TPRG1: variants seen among roughly 807,000 people sequenced by gnomAD.
TPRG1 encodes the protein tumor protein p63 regulated 1, also known as tumor protein p63-regulated gene 1 protein.
A neutral mutation model predicts 29.3 loss-of-function variants in TPRG1; 29 were observed. That is an observed-to-expected ratio of 0.99 (90% CI 0.74 to 1.35). TPRG1 has a LOEUF of 1.35. TPRG1 is among the 40% of genes most tolerant of loss of function. The probability of loss-of-function intolerance (pLI) is 0.00; values close to 1 mark genes in which losing one functional copy is unlikely to be tolerated. For missense variants in TPRG1, 327 were observed against 335.0 expected, an observed-to-expected ratio of 0.98 and a Z score of 0.19; for synonymous variants, 130 against 116.8, an observed-to-expected ratio of 1.11 and a Z score of -0.73.
upstream of TPRG1, among the ~76,000 whole-genome samples, chr3:189,170,708 C>T (rs967679944): frequency 1.6e-4 from 25 of 152,118 alleles, no homozygotes; most frequent in African/African-American, 6.0e-4. Flanking sequence ...GTCCTCGACA[C>T]GGTGGAAGCA....
chr3:189,175,104 A>G (rs1418677240), intron 1 of TPRG1, among the ~76,000 whole-genome samples: 1 of 152,228 alleles, frequency 6.6e-6, no homozygotes, highest in Non-Finnish European at 1.5e-5. Flanking sequence ...CTTACCATCT[A>G]GTATTGAAAA....
rs745431249 is a variant in TPRG1, at chr3:189,033,276, C to CT, written c.-463+9345dup. ...GAACAGCTACGCAGAGTCATTATTCCTTTTTTTTTTTTTTTAATTTCTTGA... is the reference window on the plus strand; with the variant it reads ...GAACAGCTACGCAGAGTCATTATTCCTTTTTTTTTTTTTTTTAATTTCTTGA... On this transcript the variant is annotated intron_variant, in intron 4 of 10. Transcript: ENST00000433971. Among the ~76,000 whole-genome samples, 471 of 140,814 alleles carry CT rather than the reference C, an allele frequency of 3.3e-3. 3 individuals are homozygous for CT. In the South Asian group the frequency reaches 0.038, roughly 11 times the overall value. 92.4% of individuals were successfully genotyped at this position (140,814 alleles called of 152,430 possible).
rs570774694 is a variant in TPRG1 at position 189,291,901 on chromosome 3, C to G, written c.480-18485C>G. Among the ~76,000 whole-genome samples, 3 of 152,292 alleles carry G rather than the reference C, an allele frequency of 2.0e-5. No homozygotes were observed. The East Asian group carries it at 5.8e-4, about 29-fold the overall frequency. ...AGTTGGTGATGGTTACAGTGGGCTC[C>G]TCTGGCTGCTACTGCAGAGACATCC... On this transcript the variant is annotated intron_variant, in intron 4 of 5. Coordinates refer to ENST00000345063, the MANE Select transcript of TPRG1 (RefSeq NM_198485.4).
intron 4 of TPRG1, among the ~76,000 whole-genome samples, chr3:189,295,359 A>G (rs1417874982): frequency 6.6e-6 from 1 of 152,148 alleles, no homozygotes; most frequent in Non-Finnish European, 1.5e-5. Flanking sequence ...ACATTTGTGG[A>G]ATGAATAATA....
rs968433637 is a variant in TPRG1 at position 189,323,312 on chromosome 3, A to G, written c.*2492A>G. The G allele has an allele frequency of 3.9e-5, 6 of 152,082 alleles. No individual in the cohort carries two copies. Among genetic ancestry groups the G allele is most frequent in the African/African-American group, 1.4e-4 (6 of 41,418 alleles). 9.4% of individuals were successfully genotyped at this position (152,082 alleles called of 1,614,324 possible). A position where few individuals can be genotyped will look rare whatever the true frequency, so the allele number is the denominator to read the frequency against. Reference sequence around the variant, plus strand: ...TAGACCCATTTTTTTCTTAGGAAAGAGTTGGATCAATCATGGGAGACCCTG... The same window carrying G: ...TAGACCCATTTTTTTCTTAGGAAAGGGTTGGATCAATCATGGGAGACCCTG... On this transcript the variant is annotated 3_prime_UTR_variant, in exon 6 of 6. Coordinates refer to ENST00000345063, the MANE Select transcript of TPRG1 (RefSeq NM_198485.4).
intron 4 of TPRG1, among the ~76,000 whole-genome samples, chr3:189,308,497 G>A (rs572752851): frequency 1.3e-5 from 2 of 152,216 alleles, no homozygotes; most frequent in African/African-American, 4.8e-5. Flanking sequence ...CCCTTGGAGT[G>A]ATAACTTAGC....
At chr3:189,238,574 A>C (rs777630453) in intron 3 of TPRG1, 159 bp from the exon 4 acceptor site, 1 of 502,670 alleles carries the variant, frequency 2.0e-6, no homozygotes, top group African/African-American at 2.0e-5. Context: ...ATGGGACCAG[A>C]CTGAGTGGGG....
chr3:189,035,366 A>G (rs1243452396), intron 4 of TPRG1, among the ~76,000 whole-genome samples: 1 of 152,150 alleles, frequency 6.6e-6, no homozygotes, highest in Non-Finnish European at 1.5e-5. Context: ...CATTCTGTAC[A>G]TCACCTTGGA....
Position 189,190,586 on chromosome 3 carries a change from G to A in TPRG1, c.-9-16790G>A, listed in dbSNP as rs77843904. ...ATTATTTTATTTTATTGCCTCCTAC[G>A]TCTATGATAAGAATGCTAATAGCTC... On this transcript the variant is annotated intron_variant, in intron 1 of 5. Transcript: ENST00000345063. Among the ~76,000 whole-genome samples, 905 of 152,238 alleles carry A rather than the reference G, an allele frequency of 5.9e-3. 7 individuals carry two copies. The highest frequency in any genetic ancestry group is 0.024 in the Middle Eastern group (7 of 294).
At chr3:189,138,336 T>G (rs1236833266) in intron 3 of TPRG1, among the ~76,000 whole-genome samples, 1 of 152,186 alleles carries the variant, frequency 6.6e-6, no homozygotes, top group African/African-American at 2.4e-5. Flanking sequence ...TTTTGTGTAA[T>G]GAGATAAAGT....
chr3:189,283,077 A>G (rs1717429087), intron 4 of TPRG1, among the ~76,000 whole-genome samples: 1 of 152,210 alleles, frequency 6.6e-6, no homozygotes, highest in South Asian at 2.1e-4. Context: ...GAAACTTTAA[A>G]TCAACCCACT....
chr3:189,146,286 T>C (rs1025181115), intron 3 of TPRG1, among the ~76,000 whole-genome samples: 9 of 152,212 alleles, frequency 5.9e-5, no homozygotes, highest in African/African-American at 2.2e-4. Flanking sequence ...AGGATAAAGA[T>C]GTGACCTCCA....
chr3:189,227,823 T>G (rs2108890486), intron 3 of TPRG1, among the ~76,000 whole-genome samples: 1 of 152,288 alleles, frequency 6.6e-6, no homozygotes, highest in East Asian at 1.9e-4. Flanking sequence ...AAATTTAATT[T>G]ATAATTAAAG....
At chr3:189,159,514 A>G (rs1727165794) in intron 5 of TPRG1, among the ~76,000 whole-genome samples, 1 of 152,196 alleles carries the variant, frequency 6.6e-6, no homozygotes, top group Non-Finnish European at 1.5e-5. Context: ...CCCTGTCCTT[A>G]TGATCTCGTA....
intron 4 of TPRG1, among the ~76,000 whole-genome samples, chr3:189,305,163 T>C (rs77829237): frequency 0.019 from 2,962 of 152,240 alleles, 95 homozygotes; most frequent in African/African-American, 0.067. Context: ...CAGAGACTCT[T>C]TGGAGGCCAG....
At chr3:189,271,590 A>G (rs894536721) in intron 4 of TPRG1, among the ~76,000 whole-genome samples, 3 of 152,232 alleles carry the variant, frequency 2.0e-5, no homozygotes, top group African/African-American at 7.2e-5. Context: ...TAAGTTTTAC[A>G]TTGTTTATTT....
chr3:189,015,877 G>C (rs1336955593), intron 3 of TPRG1, among the ~76,000 whole-genome samples: 1 of 152,194 alleles, frequency 6.6e-6, no homozygotes, highest in Non-Finnish European at 1.5e-5. Flanking sequence ...GAAGTTTACT[G>C]TAGGCACAGA....
At chr3:189,130,913 G>A (rs562521984) in intron 2 of TPRG1, among the ~76,000 whole-genome samples, 21 of 152,284 alleles carry the variant, frequency 1.4e-4, no homozygotes, top group Admixed American at 3.9e-4. Context: ...AGGGCCATAT[G>A]TGATTTTTGC....
chr3:189,017,617 T>C (rs1298821807), intron 3 of TPRG1, among the ~76,000 whole-genome samples: 1 of 152,196 alleles, frequency 6.6e-6, no homozygotes, highest in Non-Finnish European at 1.5e-5. Context: ...ATTTTCTTAA[T>C]CCAGTCTATC....
Sources: allele counts gnomAD v4.1 joint callset (sites outside exome capture counted in the v4.1 genomes callset), GRCh38; gene constraint gnomAD v4.1.1; transcripts MANE v1.5; gene names NCBI Gene and HGNC (gene_info 2026-07-23, HGNC 2026-07-21).